The following TRAF1 variants were observed in gnomAD, a reference collection of about 807,000 sequenced individuals.
TRAF1 encodes the protein TNF receptor associated factor 1, also known as TNF receptor-associated factor 1.
Under a neutral mutation model 40.9 loss-of-function variants are expected in TRAF1, and 23 were observed. The ratio of observed to expected loss-of-function variants is 0.56; its 90% CI spans 0.40 to 0.80. The LOEUF is 0.80. Among genes scored for constraint, TRAF1 ranks in the 30% least tolerant of loss-of-function variants. The pLI, the probability that TRAF1 is intolerant of heterozygous loss-of-function variation, is 0.00. For missense variants in TRAF1, 477 were observed against 528.7 expected (o/e 0.90, Z 0.96); for synonymous variants, 206 against 218.8 (o/e 0.94, Z 0.52).
chr9:120,927,003 C>T (rs1456115774), upstream of TRAF1: 1 of 152,234 alleles, frequency 6.6e-6, no homozygotes, highest in Non-Finnish European at 1.5e-5. Flanking sequence ...ACTGGGGAAA[C>T]GATGGCTCCC....
At position 120,926,044 on chromosome 9, in the gene TRAF1, G is replaced by A. The variant is rs779984358; in HGVS notation, c.32C>T (p.Pro11Leu). The change falls in exon 2 of 8, where the codon CCG becomes CTG. Residue 11 changes from proline to leucine, a missense_variant. By Grantham distance (98) the Pro-to-Leu change is moderately conservative. Coordinates refer to ENST00000373887, the MANE Select transcript of TRAF1 (RefSeq NM_005658.5). Reference sequence around the variant, plus strand: ...GGGAAACTCATTCTCATCAGGGGCCGGGCGAGGACTGCTGCCTGAGCTGGA... The same window carrying A: ...GGGAAACTCATTCTCATCAGGGGCCAGGCGAGGACTGCTGCCTGAGCTGGA... MASSSGSSPR[P>L]APDENEFPFG... is the part of the protein sequence containing the mutation. The A allele has an allele frequency of 2.0e-5, 32 of 1,607,032 alleles. No homozygotes were observed. In the East Asian group the frequency reaches 2.7e-4, roughly 13 times the overall value.
chr9:120,915,245 T>C (rs1364550280), intron 3 of TRAF1, among the ~76,000 whole-genome samples: 1 of 152,244 alleles, frequency 6.6e-6, no homozygotes, highest in Non-Finnish European at 1.5e-5. Flanking sequence ...TATACCCTGC[T>C]ACACACCGAA....
At chr9:120,913,294 C>T (rs368288292) in intron 5 of TRAF1, 34 bp downstream of exon 5, 132 of 1,564,328 alleles carry the variant, frequency 8.4e-5, no homozygotes, top group African/African-American at 6.9e-4. Context: ...GGGGCTCAGC[C>T]GGGCTTGAAG....
In TRAF1 at chr9:120,913,976, G is replaced by A. The variant is rs553730130; in HGVS notation, c.295-238C>T. 3.9e-5 allele frequency among the ~76,000 whole-genome samples: 6 copies of A among 152,268 alleles called. No homozygotes were observed. In the East Asian group the frequency reaches 9.6e-4, roughly 24 times the overall value. ...GCCCTGGAGTGCAAGGATGATTCAG[G>A]ACCATGGAGAGGGGCATTGGGGGTG... On this transcript the variant is annotated intron_variant, in intron 4 of 7. Transcript: ENST00000373887.
At position 120,904,994 on chromosome 9, in the gene TRAF1, G is replaced by A; in HGVS notation, c.*26C>T. The A allele has an allele frequency of 6.2e-7, 1 of 1,603,042 alleles. No individual in the cohort carries two copies. Among genetic ancestry groups the A allele is most frequent in the Non-Finnish European group, 8.5e-7 (1 of 1,174,802 alleles). On this transcript the variant is annotated 3_prime_UTR_variant, in exon 8 of 8. Transcript: ENST00000373887. ...CTCTGGCTAGCTCCCTTCTGAGTTG[G>A]AGCTCCCTCAGGAGCCCCGCCCACC...
At chr9:120,920,322 G>T (rs1483306383) in intron 3 of TRAF1, among the ~76,000 whole-genome samples, 1 of 152,194 alleles carries the variant, frequency 6.6e-6, no homozygotes, top group Non-Finnish European at 1.5e-5. Flanking sequence ...CCCAGGGTAG[G>T]TGTGGTTGTT....
chr9:120,914,005 G>A (rs2046551152), intron 4 of TRAF1, among the ~76,000 whole-genome samples: 1 of 152,148 alleles, frequency 6.6e-6, no homozygotes, highest in South Asian at 2.1e-4. Flanking sequence ...GGGGGTGGGG[G>A]TCATTTTAGT....
chr9:120,913,392 G>A lies in TRAF1; in HGVS notation c.641C>T (p.Ala214Val), dbSNP rs958075660. 1.8e-5 allele frequency: 29 copies of A among 1,613,768 alleles called. No individual in the cohort carries two copies. Among genetic ancestry groups the A allele is most frequent in the Non-Finnish European group, 2.3e-5 (27 of 1,180,022 alleles). Residue 214 changes from alanine (A) to valine (V), a missense_variant, in exon 5 of 8, where the codon GCC becomes GTC. Physicochemically the swap from Ala to Val is moderately conservative, Grantham distance 64. Transcript: ENST00000373887. ...LNKEVEASHL[A>V]LATSIHQSQL... ...GCTCTGGTGGATAGAGGTGGCCAGGGCCAGGTGGGAGGCCTCCACCTCCTT... is the reference window on the plus strand; with the variant it reads ...GCTCTGGTGGATAGAGGTGGCCAGGACCAGGTGGGAGGCCTCCACCTCCTT...
At chr9:120,912,376 G>A (rs1425398964) in intron 5 of TRAF1, among the ~76,000 whole-genome samples, 1 of 152,186 alleles carries the variant, frequency 6.6e-6, no homozygotes, top group Non-Finnish European at 1.5e-5. Flanking sequence ...AAAAGTATAG[G>A]CCAGGCGCGG....
chr9:120,921,800 TC>T (rs1426620664), intron 3 of TRAF1, among the ~76,000 whole-genome samples: 1 of 151,986 alleles, frequency 6.6e-6, no homozygotes, highest in Non-Finnish European at 1.5e-5. Context: ...GACAGGAAAT[TC>T]CCCTGAACTC....
chr9:120,910,374 G>A (rs1016423524), intron 6 of TRAF1, among the ~76,000 whole-genome samples: 1 of 152,146 alleles, frequency 6.6e-6, no homozygotes, highest in African/African-American at 2.4e-5. Context: ...GCCCTGCTCT[G>A]GGATTGTGAC....
At chr9:120,910,966 C>T (rs1230294012) in intron 6 of TRAF1, among the ~76,000 whole-genome samples, 1 of 152,264 alleles carries the variant, frequency 6.6e-6, no homozygotes, top group Non-Finnish European at 1.5e-5. Context: ...TCATCATCCA[C>T]ATCCATCTCA....
At chr9:120,917,682 T>C (rs754825537) in intron 3 of TRAF1, among the ~76,000 whole-genome samples, 1 of 152,156 alleles carries the variant, frequency 6.6e-6, no homozygotes, top group Non-Finnish European at 1.5e-5. Flanking sequence ...CAGGGCTGCC[T>C]GCACTCCTTG....
rs185531569 is a variant in TRAF1 at position 120,919,543 on chromosome 9, G to C, written c.228+4162C>G. Among the ~76,000 whole-genome samples the C allele has an allele frequency of 3.8e-3, 586 of 152,342 alleles. 1 individual carries two copies. Among genetic ancestry groups the C allele is most frequent in the Non-Finnish European group, 6.5e-3 (442 of 68,026 alleles). ...CAGGCACTGCCTACCCCCACACTGG[G>C]CTGAGGTCAGGGATGCCCGGAGGGG... On this transcript the variant is annotated intron_variant, in intron 3 of 7. Coordinates refer to ENST00000373887, the MANE Select transcript of TRAF1 (RefSeq NM_005658.5).
At chr9:120,905,386 C>A in intron 7 of TRAF1, 148 bp from the exon 8 acceptor site, 2 of 906,586 alleles carry the variant, frequency 2.2e-6, no homozygotes, top group Non-Finnish European at 3.3e-6. Flanking sequence ...TCAGAGAAAC[C>A]AAGTAAGGAG....
chr9:120,923,711 C>T lies in TRAF1; in HGVS notation c.222G>A (p.Gln74=). 1 of 1,614,158 alleles carries T rather than the reference C, an allele frequency of 6.2e-7. No individual in the cohort carries two copies. Among genetic ancestry groups the T allele is most frequent in the Non-Finnish European group, 8.5e-7 (1 of 1,180,000 alleles). The part of the protein sequence containing the change: ...SISPGSRLRT[Q]EKAHPEVAEA... Reference sequence around the variant, plus strand: ...CTGTGATGTGCCAACGTACCTTCTCCTGAGTTCGAAGACGGCTTCCTGGGC... The same window carrying T: ...CTGTGATGTGCCAACGTACCTTCTCTTGAGTTCGAAGACGGCTTCCTGGGC... Residue 74 remains glutamine (Q), a synonymous_variant, in exon 3 of 8, where the codon CAG becomes CAA. Coordinates refer to ENST00000373887, the MANE Select transcript of TRAF1 (RefSeq NM_005658.5).
intron 6 of TRAF1, among the ~76,000 whole-genome samples, chr9:120,910,531 G>T (rs76353720): frequency 6.6e-6 from 1 of 152,090 alleles, no homozygotes; most frequent in Non-Finnish European, 1.5e-5. Flanking sequence ...AAGTAGCTAG[G>T]ACCACAGGTG....
intron 3 of TRAF1, among the ~76,000 whole-genome samples, chr9:120,916,775 G>A (rs770232775): frequency 4.0e-5 from 6 of 151,664 alleles, no homozygotes; most frequent in Admixed American, 6.6e-5. Context: ...GGCAGGCAGA[G>A]GGCGGCCTTG....
intron 3 of TRAF1, among the ~76,000 whole-genome samples, chr9:120,915,396 G>C (rs1374074003): frequency 6.6e-6 from 1 of 152,188 alleles, no homozygotes; most frequent in African/African-American, 2.4e-5. Context: ...TAAGAATACA[G>C]TACTATACTC....
Sources: gnomAD v4.1 joint callset for allele counts (sites outside exome capture counted in the v4.1 genomes callset) on GRCh38, gnomAD v4.1.1 for gene constraint, MANE v1.5 for transcripts, NCBI Gene and HGNC (gene_info 2026-07-23, HGNC 2026-07-21) for gene names.